Variants in RYR3 observed in about 807,000 individuals in gnomAD.
RYR3 encodes the protein brain ryanodine receptor-calcium release channel.
RYR3 carries 207 observed loss-of-function variants against 584.3 expected under a neutral mutation model. That is an observed-to-expected ratio of 0.35 (90% CI 0.32 to 0.40). The LOEUF is 0.40. Ranked by LOEUF, RYR3 falls within the 10% of genes least tolerant of loss-of-function variation. The pLI is 1.00. For missense variants in RYR3, 5,616 were observed against 6,089.2 expected (o/e 0.92, Z 2.59); for synonymous variants, 2,416 against 2,248.5 (o/e 1.07, Z -2.11).
intron 4 of RYR3, among the ~76,000 whole-genome samples, chr15:33,533,043 G>A (rs1194729561): frequency 6.6e-6 from 1 of 152,214 alleles, no homozygotes; most frequent in Non-Finnish European, 1.5e-5. Context: ...CTTGAGCCCA[G>A]GAGTCTGAGG....
At position 33,811,014 on chromosome 15, in the gene RYR3, A is replaced by G; in HGVS notation, c.10234A>G (p.Asn3412Asp). ...TDEEVREHLR[N>D]NLHLQEKSDD... is the part of the protein sequence containing the mutation. Reference sequence around the variant, plus strand: ...TGAAGAGGTCAGAGAACATCTGCGGAACAACTTGCACTTGCAGGAAAAGGT... The same window carrying G: ...TGAAGAGGTCAGAGAACATCTGCGGGACAACTTGCACTTGCAGGAAAAGGT... Residue 3412 changes from asparagine (N) to aspartate (D), a missense_variant, in exon 72 of 104, where the codon AAC becomes GAC. Asn to Asp is a conservative substitution (Grantham distance 23, BLOSUM62 1). Transcript: ENST00000634891. 1 of 1,609,374 alleles carries G rather than the reference A, an allele frequency of 6.2e-7. No homozygotes were observed. Among genetic ancestry groups the G allele is most frequent in the Non-Finnish European group, 8.5e-7 (1 of 1,178,080 alleles).
intron 18 of RYR3, among the ~76,000 whole-genome samples, chr15:33,610,521 G>A (rs1366143101): frequency 6.6e-6 from 1 of 152,110 alleles, no homozygotes; most frequent in African/African-American, 2.4e-5. Flanking sequence ...TGGAAGAGTG[G>A]GAGGGAATGC....
At chr15:33,727,982 C>T (rs1051377030) in intron 46 of RYR3, among the ~76,000 whole-genome samples, 1 of 152,152 alleles carries the variant, frequency 6.6e-6, no homozygotes, top group African/African-American at 2.4e-5. Flanking sequence ...TCTTGGATGA[C>T]CTGATTTACA....
intron 87 of RYR3, among the ~76,000 whole-genome samples, chr15:33,836,201 AG>A (rs550579772): frequency 2.0e-4 from 23 of 116,172 alleles, no homozygotes; most frequent in African/African-American, 4.7e-4. Context: ...TTTTTTTGTG[AG>A]GGGGGGGTCT....
chr15:33,623,509 A>G (rs1432071894), intron 19 of RYR3, among the ~76,000 whole-genome samples: 5 of 152,198 alleles, frequency 3.3e-5, no homozygotes, highest in Non-Finnish European at 7.3e-5. Context: ...TATCTATAGT[A>G]ATTATTTACC....
At chr15:33,725,156 C>CACACACACAA (rs1231591694) in intron 45 of RYR3, among the ~76,000 whole-genome samples, 6 of 39,612 alleles carry the variant, frequency 1.5e-4, no homozygotes, top group Admixed American at 1.0e-3. Context: ...CAACACCTTA[C>CACACACACAA]ACACACACAC....
rs1215872591 is a variant in RYR3 at position 33,428,473 on chromosome 15, T to C, written c.52-44946T>C. ...GATATCTCAGATAAACAAAATCCTCTTGTTGGACAGATAATAAAAACAAAA... is the reference window on the plus strand; with the variant it reads ...GATATCTCAGATAAACAAAATCCTCCTGTTGGACAGATAATAAAAACAAAA... On this transcript the variant is annotated intron_variant, in intron 1 of 103. Coordinates refer to ENST00000634891, the MANE Select transcript of RYR3 (RefSeq NM_001036.6). Among the ~76,000 whole-genome samples, 4 of 152,210 alleles carry C rather than the reference T, an allele frequency of 2.6e-5. No individual in the cohort carries two copies. The East Asian group carries it at 7.7e-4, about 29-fold the overall frequency.
Position 33,815,560 on chromosome 15 carries a change from G to A in RYR3, c.10503-1302G>A, listed in dbSNP as rs538270036. The A allele has an allele frequency of 4.5e-5, 12 of 267,392 alleles. 1 individual carries two copies. The South Asian group carries it at 5.1e-4, about 11-fold the overall frequency. 16.6% of individuals were successfully genotyped at this position (267,392 alleles called of 1,614,324 possible). A position where few individuals can be genotyped will look rare whatever the true frequency, so the allele number is the denominator to read the frequency against. On this transcript the variant is annotated intron_variant, in intron 74 of 103. Transcript: ENST00000634891. ...TTTTACTCTGTATGGGTAAGAGTAAGTCTAGGAATTCACTATGTCCTTCAT... is the reference window on the plus strand; with the variant it reads ...TTTTACTCTGTATGGGTAAGAGTAAATCTAGGAATTCACTATGTCCTTCAT...
At chr15:33,576,841 A>G (rs547039203) in intron 12 of RYR3, among the ~76,000 whole-genome samples, 2 of 152,316 alleles carry the variant, frequency 1.3e-5, no homozygotes, top group African/African-American at 4.8e-5. Flanking sequence ...CTGTTTGCAG[A>G]TGACATGATC....
chr15:33,362,496 C>T (rs763968133), intron 1 of RYR3, among the ~76,000 whole-genome samples: 7 of 152,286 alleles, frequency 4.6e-5, no homozygotes, highest in Admixed American at 4.6e-4. Context: ...TAAACCTGCA[C>T]ATTTGTATTA....
intron 1 of RYR3, among the ~76,000 whole-genome samples, chr15:33,399,300 A>G (rs553204516): frequency 6.6e-6 from 1 of 152,328 alleles, no homozygotes; most frequent in South Asian, 2.1e-4. Flanking sequence ...ACATTTCAAT[A>G]GACTCGCTGA....
chr15:33,456,802 G>A (rs75650514), intron 1 of RYR3, among the ~76,000 whole-genome samples: 3,547 of 152,204 alleles, frequency 0.023, 61 homozygotes, highest in Non-Finnish European at 0.028. Flanking sequence ...AATCATCAGA[G>A]CAACAATAGT....
At chr15:33,826,875 C>T (rs1169617944) in intron 84 of RYR3, 123 bp downstream of exon 84, 3 of 714,890 alleles carry the variant, frequency 4.2e-6, no homozygotes, top group East Asian at 4.9e-5. Context: ...ATGCGTTCCT[C>T]AATAAGAAAC....
At chr15:33,379,687 C>CTCTCTCTCTCTCTCTCTCTCTCTATATA in intron 1 of RYR3, among the ~76,000 whole-genome samples, 3 of 125,502 alleles carry the variant, frequency 2.4e-5, no homozygotes, top group African/African-American at 1.1e-4. Flanking sequence ...CTCTCTCTCT[C>CTCTCTCTCTCTCTCTCTCTCTCTATATA]TATATATATA....
Position 33,618,867 on chromosome 15 carries a change from A to G in RYR3, c.2358-4940A>G, listed in dbSNP as rs558427530. On this transcript the variant is annotated intron_variant, in intron 19 of 103. Coordinates refer to ENST00000634891, the MANE Select transcript of RYR3 (RefSeq NM_001036.6). ...ACTATATTTTTTTCTTAATGGGTCA[A>G]TCTTTCAAATCTGGGAATTTGTAGT... Among the ~76,000 whole-genome samples, 27 of 152,318 alleles carry G rather than the reference A, an allele frequency of 1.8e-4. No homozygotes were observed. In the South Asian group the frequency reaches 2.1e-3, roughly 12 times the overall value.
chr15:33,640,621 C>A (rs11072574), intron 27 of RYR3, among the ~76,000 whole-genome samples: 18,626 of 152,060 alleles, frequency 0.12, 1,379 homozygotes, highest in East Asian at 0.34. Context: ...ATAAGATTAC[C>A]CCCCTGCTCT....
chr15:33,555,862 C>T (rs2057033451), intron 10 of RYR3, among the ~76,000 whole-genome samples: 1 of 152,156 alleles, frequency 6.6e-6, no homozygotes. Flanking sequence ...GGAAGGCGTT[C>T]CTCCTCTTCC....
In RYR3 at chr15:33,861,079, C is replaced by A. The variant is rs1317074809; in HGVS notation, c.14366C>A (p.Thr4789Asn). ...TTTTCTGCCTGTTATTTTTCTTAGACTAAATGTTTCATCTGTGGGATTGGC... is the reference window on the plus strand; with the variant it reads ...TTTTCTGCCTGTTATTTTTCTTAGAATAAATGTTTCATCTGTGGGATTGGC... The part of the protein sequence containing the change: ...QQEQVREDME[T>N]KCFICGIGND... Residue 4789 changes from threonine (T) to asparagine (N), a missense_variant and splice_region_variant, in exon 102 of 104, where the codon ACT becomes AAT. By Grantham distance (65) the Thr-to-Asn change is moderately conservative (BLOSUM62 0). Around this residue, in one of 9 missense-constraint regions of RYR3, gnomAD observed 918 missense variants for 887.4 expected, o/e 1.03. Coordinates refer to ENST00000634891, the MANE Select transcript of RYR3 (RefSeq NM_001036.6). 6.3e-7 allele frequency: 1 copy of A among 1,580,448 alleles called. No homozygotes were observed. Among genetic ancestry groups the A allele is most frequent in the Non-Finnish European group, 8.6e-7 (1 of 1,161,220 alleles).
chr15:33,798,355 T>C (rs1386737840), intron 67 of RYR3, among the ~76,000 whole-genome samples: 1 of 152,216 alleles, frequency 6.6e-6, no homozygotes, highest in Non-Finnish European at 1.5e-5. Flanking sequence ...CCTCCCAAAG[T>C]GCTGGGATTA....
Sources: allele counts gnomAD v4.1 joint callset (sites outside exome capture counted in the v4.1 genomes callset), GRCh38; gene constraint gnomAD v4.1.1; regional missense constraint gnomAD v4.1.1; transcripts MANE v1.5; gene names NCBI Gene and HGNC (gene_info 2026-07-23, HGNC 2026-07-21).